The following CTNNA2 variants were observed in gnomAD, a reference collection of about 807,000 sequenced individuals.
The protein encoded by CTNNA2 is catenin alpha-2.
Under a neutral mutation model 101.0 loss-of-function variants are expected in CTNNA2, and 42 were observed. The observed-to-expected ratio is 0.42, with a 90% CI of 0.32 to 0.54. The LOEUF is 0.54. Ranked by LOEUF, CTNNA2 falls within the 20% of genes least tolerant of loss-of-function variation. CTNNA2 has a pLI of 0.14. For missense variants in CTNNA2, 871 were observed against 1,223.1 expected (o/e 0.71, Z 4.29); for synonymous variants, 450 against 456.4 (o/e 0.99, Z 0.18).
intron 7 of CTNNA2, among the ~76,000 whole-genome samples, chr2:80,382,657 G>C (rs1190954745): frequency 6.6e-6 from 1 of 152,164 alleles, no homozygotes; most frequent in Non-Finnish European, 1.5e-5. Flanking sequence ...GGCACAGGGA[G>C]GTCAAGACTG....
intron 2 of CTNNA2, among the ~76,000 whole-genome samples, chr2:79,222,752 G>A (rs1397953731): frequency 6.6e-6 from 1 of 151,330 alleles, no homozygotes; most frequent in East Asian, 2.0e-4. Context: ...TTCATAAGTT[G>A]ACATCTTAGT....
intron 7 of CTNNA2, among the ~76,000 whole-genome samples, chr2:80,026,205 G>C (rs1694915166): frequency 6.6e-6 from 1 of 152,294 alleles, no homozygotes; most frequent in Admixed American, 6.5e-5. Flanking sequence ...TCACCTCGAG[G>C]GAGGAGCGTT....
At chr2:79,630,757 T>G (rs1573520140) in intron 1 of CTNNA2, among the ~76,000 whole-genome samples, 1 of 152,222 alleles carries the variant, frequency 6.6e-6, no homozygotes, top group Non-Finnish European at 1.5e-5. Flanking sequence ...TTGATTGCGA[T>G]GGTGACGTAG....
At chr2:79,332,303 A>AG (rs1210123309) in intron 3 of CTNNA2, among the ~76,000 whole-genome samples, 3 of 12,968 alleles carry the variant, frequency 2.3e-4, no homozygotes, top group East Asian at 2.1e-3. Flanking sequence ...AAGAAGAAGA[A>AG]AAAAAAAAAA....
chr2:80,450,593 T>A (rs1404778833), intron 9 of CTNNA2, among the ~76,000 whole-genome samples: 2 of 152,158 alleles, frequency 1.3e-5, no homozygotes, highest in Non-Finnish European at 2.9e-5. Flanking sequence ...TCTTTTTTCT[T>A]GTGTTAGTGT....
chr2:80,648,451 C>G lies in CTNNA2; in HGVS notation c.*579C>G, dbSNP rs1674343404. 1 of 152,568 alleles carries G rather than the reference C, an allele frequency of 6.6e-6. No individual in the cohort carries two copies. Among genetic ancestry groups the G allele is most frequent in the South Asian group, 2.1e-4 (1 of 4,828 alleles). 9.5% of individuals were successfully genotyped at this position (152,568 alleles called of 1,614,324 possible). ...TAAAATGCTTCTTTTAATCTGCATT[C>G]TGTTTCCTCTTCTAGTTGTGCCATT... On this transcript the variant is annotated 3_prime_UTR_variant, in exon 19 of 19. Coordinates refer to ENST00000402739, the MANE Select transcript of CTNNA2 (RefSeq NM_001282597.3).
At chr2:79,857,631 C>A (rs1483288666) in intron 3 of CTNNA2, among the ~76,000 whole-genome samples, 2 of 152,196 alleles carry the variant, frequency 1.3e-5, no homozygotes, top group African/African-American at 4.8e-5. Flanking sequence ...TGTACCTCGA[C>A]TGTCAGTAAC....
chr2:79,856,407 A>G (rs1267218493), intron 3 of CTNNA2, among the ~76,000 whole-genome samples: 1 of 152,194 alleles, frequency 6.6e-6, no homozygotes, highest in Non-Finnish European at 1.5e-5. Flanking sequence ...TTTCCATGCT[A>G]TCATTGGCTT....
chr2:80,106,744 T>C (rs779924896), intron 7 of CTNNA2, among the ~76,000 whole-genome samples: 12 of 152,040 alleles, frequency 7.9e-5, no homozygotes, highest in Non-Finnish European at 1.3e-4. Flanking sequence ...TGCTTGAAAC[T>C]CCAGATTCCT....
intron 7 of CTNNA2, among the ~76,000 whole-genome samples, chr2:80,331,133 T>C (rs1671290242): frequency 6.6e-6 from 1 of 151,656 alleles, no homozygotes; most frequent in Non-Finnish European, 1.5e-5. Context: ...AAAGAAGAAG[T>C]GCAGCCCTTT....
At chr2:79,868,150 G>T (rs562725367) in intron 4 of CTNNA2, among the ~76,000 whole-genome samples, 169 of 152,190 alleles carry the variant, frequency 1.1e-3, no homozygotes, top group African/African-American at 3.9e-3. Flanking sequence ...TTAGAGCCTA[G>T]ATAGGAATTG....
At chr2:79,768,934 A>T in intron 3 of CTNNA2, among the ~76,000 whole-genome samples, 1 of 152,064 alleles carries the variant, frequency 6.6e-6, no homozygotes, top group Non-Finnish European at 1.5e-5. Flanking sequence ...GGCTCACTGC[A>T]AGCTCCACCT....
At chr2:80,006,617 G>A (rs980964928) in intron 7 of CTNNA2, among the ~76,000 whole-genome samples, 2 of 152,062 alleles carry the variant, frequency 1.3e-5, no homozygotes, top group East Asian at 1.9e-4. Flanking sequence ...GCTTCAGCCC[G>A]TGCAAATTTC....
chr2:80,526,615 G>A (rs1202966859), intron 9 of CTNNA2, among the ~76,000 whole-genome samples: 1 of 152,042 alleles, frequency 6.6e-6, no homozygotes, highest in South Asian at 2.1e-4. Context: ...TTACAGACGT[G>A]AGCCACTGTG....
At chr2:79,689,578 TA>T (rs1373112763) in intron 2 of CTNNA2, among the ~76,000 whole-genome samples, 1 of 151,542 alleles carries the variant, frequency 6.6e-6, no homozygotes, top group Admixed American at 6.6e-5. Context: ...TGACATTAAA[TA>T]AAAAATGAGA....
At chr2:80,607,211 G>C (rs1240128229) in intron 16 of CTNNA2, among the ~76,000 whole-genome samples, 1 of 151,740 alleles carries the variant, frequency 6.6e-6, no homozygotes, top group Non-Finnish European at 1.5e-5. Flanking sequence ...GTGGCTGTAG[G>C]TACTTATTTC....
chr2:79,265,124 C>T (rs1278803060), intron 2 of CTNNA2, among the ~76,000 whole-genome samples: 1 of 152,154 alleles, frequency 6.6e-6, no homozygotes, highest in Non-Finnish European at 1.5e-5. Flanking sequence ...AGGAAAGAAT[C>T]ACAATCACAA....
intron 3 of CTNNA2, among the ~76,000 whole-genome samples, chr2:79,842,765 A>G (rs1679925041): frequency 1.3e-5 from 2 of 152,072 alleles, no homozygotes; most frequent in South Asian, 4.1e-4. Context: ...GTGAGATTTT[A>G]TATTTATAAA....
intron 7 of CTNNA2, among the ~76,000 whole-genome samples, chr2:79,960,204 G>C (rs2104527485): frequency 6.6e-6 from 1 of 152,316 alleles, no homozygotes; most frequent in East Asian, 1.9e-4. Flanking sequence ...TCTCTTGAAG[G>C]TTGGGGAAAG....
Sources: allele counts gnomAD v4.1 joint callset (sites outside exome capture counted in the v4.1 genomes callset), GRCh38; gene constraint gnomAD v4.1.1; transcripts MANE v1.5; gene names NCBI Gene and HGNC (gene_info 2026-07-23, HGNC 2026-07-21).